EPPK1: variants seen among roughly 807,000 people sequenced by gnomAD.
EPPK1 encodes the protein epiplakin.
For synonymous variants in EPPK1, 1,862 were observed against 1,721.2 expected, an observed-to-expected ratio of 1.08 and a Z score of -2.03; for missense variants, 3,823 against 3,673.3, an observed-to-expected ratio of 1.04 and a Z score of -1.05.
intron 1 of EPPK1, 98 bp from the exon 2 acceptor site, chr8:143,873,396 G>A (rs947709878): frequency 1.0e-5 from 9 of 873,010 alleles, no homozygotes; most frequent in Non-Finnish European, 1.4e-5. Flanking sequence ...TCCCGGGCTG[G>A]GCTCCACCCA....
In EPPK1 at chr8:143,867,682, C is replaced by T; in HGVS notation, c.5572G>A (p.Asp1858Asn). The T allele has an allele frequency of 6.2e-7, 1 of 1,613,528 alleles. No individual in the cohort carries two copies. The highest frequency in any genetic ancestry group is 1.1e-5 in the South Asian group (1 of 91,080). The part of the protein sequence containing the change: ...AAIRGEVTAA[D>N]LFNSRVIDQK... ...TCGATGACCCTGGAGTTGAACAGGT[C>T]TGCAGCTGTCACCTCCCCTCTGATG... Residue 1858 changes from aspartate (D) to asparagine (N), a missense_variant, in exon 2 of 2, where the codon GAC becomes AAC. Asp to Asn is a conservative substitution (Grantham distance 23). Transcript: ENST00000615648.
At position 143,875,687 on chromosome 8, in the gene EPPK1, T is replaced by C. The variant is rs562567080; in HGVS notation, c.-45-2389A>G. Among the ~76,000 whole-genome samples the C allele has an allele frequency of 4.3e-3, 652 of 152,342 alleles. 7 individuals are homozygous for C. The highest frequency in any genetic ancestry group is 0.015 in the African/African-American group (605 of 41,582). ...CGCCACAGGGATGCCTGGGCGCTTGTCTTCGTGGTGCAATGGGCCACGGGC... is the reference window on the plus strand; with the variant it reads ...CGCCACAGGGATGCCTGGGCGCTTGCCTTCGTGGTGCAATGGGCCACGGGC... On this transcript the variant is annotated intron_variant, in intron 1 of 1. Coordinates refer to ENST00000615648, the MANE Select transcript of EPPK1 (RefSeq NM_031308.4).
Position 143,866,970 on chromosome 8 carries a change from A to G in EPPK1, c.6284T>C (p.Ile2095Thr). The G allele has an allele frequency of 6.2e-7, 1 of 1,612,470 alleles. No individual in the cohort carries two copies. Residue 2095 changes from isoleucine (I) to threonine (T), a missense_variant, in exon 2 of 2, where the codon ATC becomes ACC. Ile to Thr is a moderately conservative substitution (Grantham distance 89). Coordinates refer to ENST00000615648, the MANE Select transcript of EPPK1 (RefSeq NM_031308.4). The part of the protein sequence containing the change: ...VNKAARDSEH[I>T]DDETRRALEA... ...CAGGGCCCTTCTCGTCTCGTCATCGATGTGCTCGGAGTCCCGTGCAGCCTT... is the reference window on the plus strand; with the variant it reads ...CAGGGCCCTTCTCGTCTCGTCATCGGTGTGCTCGGAGTCCCGTGCAGCCTT...
rs184122026 is a variant in EPPK1, at chr8:143,869,898, G to A, written c.3356C>T (p.Ala1119Val). The A allele has an allele frequency of 2.8e-5, 45 of 1,608,374 alleles. 1 individual carries two copies. The Admixed American group carries it at 6.2e-4, about 22-fold the overall frequency. Residue 1119 changes from alanine (A) to valine (V), a missense_variant, in exon 2 of 2, where the codon GCT (alanine) becomes GTT (valine). Coordinates refer to ENST00000615648, the MANE Select transcript of EPPK1 (RefSeq NM_031308.4). Reference sequence around the variant, plus strand: ...CTGCTCCTCGGTGGGGAGGGCAGGAGCACTTTCTGGCAGGGGCAGGAGGTG... The same window carrying A: ...CTGCTCCTCGGTGGGGAGGGCAGGAACACTTTCTGGCAGGGGCAGGAGGTG... ...GLHLLPLPES[A>V]PALPTEEQVQ...
At position 143,872,988 on chromosome 8, in the gene EPPK1, CG is replaced by C; in HGVS notation, c.265del (p.Arg89GlyfsTer20). The stretch of plus-strand genomic sequence containing the variant: ...CTTGGACACAGGGAGCAGCTGGCCC[CG>C]GGCGAGGTCCACCAGGCCCCCAGTG... ...AATGGLVDLARGQLLPVSKAL... is the reference protein window; with the variant it reads ...AATGGLVDLAXGQLLPVSKAL... On this transcript the variant is annotated frameshift_variant, in exon 2 of 2. Transcript: ENST00000615648. LOFTEE classifies it low-confidence loss of function (END_TRUNC). 6.3e-7 allele frequency: 1 copy of C among 1,575,594 alleles called. No individual in the cohort carries two copies. Among genetic ancestry groups the C allele is most frequent in the Non-Finnish European group, 8.6e-7 (1 of 1,161,086 alleles).
Position 143,870,854 on chromosome 8 carries a change from G to A in EPPK1, c.2400C>T (p.Ser800=). ...CACTGTCCACCAGCGGGGACTGCGTGCTGCTGAGTGGCAGGAGGTACAGGC... is the reference window on the plus strand; with the variant it reads ...CACTGTCCACCAGCGGGGACTGCGTACTGCTGAGTGGCAGGAGGTACAGGC... ...ETGLYLLPLS[S]TQSPLVDSAT... is the part of the protein sequence containing the mutation. Residue 800 remains serine (S), a synonymous_variant, in exon 2 of 2, where the codon AGC becomes AGT. Coordinates refer to ENST00000615648, the MANE Select transcript of EPPK1 (RefSeq NM_031308.4). This position sits in a 1 kb window ranked among gnomAD's most constrained non-coding sequence, Gnocchi z 5.2. 6.2e-7 allele frequency: 1 copy of A among 1,612,994 alleles called. No homozygotes were observed. Among genetic ancestry groups the A allele is most frequent in the Non-Finnish European group, 8.5e-7 (1 of 1,179,924 alleles).
chr8:143,875,969 T>A (rs1343230012), intron 1 of EPPK1, among the ~76,000 whole-genome samples: 1 of 150,340 alleles, frequency 6.7e-6, no homozygotes, highest in Non-Finnish European at 1.5e-5. Flanking sequence ...CACTGACCTA[T>A]GATGGAGCTT....
chr8:143,872,276 G>A lies in EPPK1; in HGVS notation c.978C>T (p.His326=). The A allele has an allele frequency of 6.2e-7, 1 of 1,606,354 alleles. No individual in the cohort carries two copies. Among genetic ancestry groups the A allele is most frequent in the Non-Finnish European group, 8.5e-7 (1 of 1,176,646 alleles). ...GGCCTGTGATGGGGTCCACCAGGGT[G>A]TGGGTGGCAGCCTGGGCCTCTAGGA... is the stretch of plus-strand genomic sequence containing the variant. ...LPLLEAQAAT[H]TLVDPITGQR... The change falls in exon 2 of 2, where the codon CAC becomes CAT. Residue 326 remains histidine, a synonymous_variant. Coordinates refer to ENST00000615648, the MANE Select transcript of EPPK1 (RefSeq NM_031308.4).
In EPPK1 at chr8:143,872,074, G is replaced by T. The variant is rs781833706; in HGVS notation, c.1180C>A (p.Leu394Ile). 16 of 1,561,936 alleles carry T rather than the reference G, an allele frequency of 1.0e-5. No homozygotes were observed. The Admixed American group carries it at 3.1e-4, about 30-fold the overall frequency. Residue 394 changes from leucine (L) to isoleucine (I), a missense_variant, in exon 2 of 2, where the codon CTC (leucine) becomes ATC (isoleucine). Transcript: ENST00000615648. ...CCTGTGGCCAGCTGGGCATCCAAGA[G>T]CCGCAGTGCCAGTGGCCTGTCCACT... The part of the protein sequence containing the change: ...GLVDRPLALR[L>I]LDAQLATGGL...
Position 143,866,765 on chromosome 8 carries a change from C to G in EPPK1, c.6489G>C (p.Glu2163Asp). 1.9e-6 allele frequency: 3 copies of G among 1,613,520 alleles called. No individual in the cohort carries two copies. Among genetic ancestry groups the G allele is most frequent in the African/African-American group, 1.3e-5 (1 of 75,058 alleles). ...GGTGTTTGTTGCTGGTTTCCTGCTT[C>G]TCGATCAACTCTAAGATGAGCTGCG... ...TVAQLILELI[E>D]KQETSNKHLW... The change falls in exon 2 of 2, where the codon GAG becomes GAC. Residue 2163 changes from glutamate to aspartate, a missense_variant. Glu to Asp is a conservative substitution (Grantham distance 45). Coordinates refer to ENST00000615648, the MANE Select transcript of EPPK1 (RefSeq NM_031308.4).
Position 143,868,542 on chromosome 8 carries a change from T to C in EPPK1, c.4712A>G (p.Asn1571Ser), listed in dbSNP as rs781803355. 4.1e-5 allele frequency: 66 copies of C among 1,605,732 alleles called. No homozygotes were observed. Among genetic ancestry groups the C allele is most frequent in the Non-Finnish European group, 5.5e-5 (65 of 1,176,820 alleles). Residue 1571 changes from asparagine (N) to serine (S), a missense_variant, in exon 2 of 2, where the codon AAC becomes AGC. Physicochemically the swap from Asn to Ser is conservative, Grantham distance 46. Transcript: ENST00000615648. ...DSVKRSLEGG[N>S]FIAGVLIQGT... The stretch of plus-strand genomic sequence containing the variant: ...CTGGATAAGGACCCCGGCAATGAAG[T>C]TGCCTCCCTCCAGGGACCGCTTCAC...
Position 143,867,199 on chromosome 8 carries a change from G to C in EPPK1, c.6055C>G (p.Pro2019Ala), listed in dbSNP as rs782461729. 1 of 1,612,730 alleles carries C rather than the reference G, an allele frequency of 6.2e-7. No individual in the cohort carries two copies. The highest frequency in any genetic ancestry group is 8.5e-7 in the Non-Finnish European group (1 of 1,179,806). ...AGTGGGAGCCGGTGGTGGTGCTGTG[G>C]GTCGATGACACCCCCCGTGGCCACC... is the stretch of plus-strand genomic sequence containing the variant. ...VQVATGGVID[P>A]QHHHRLPLET... Residue 2019 changes from proline (P) to alanine (A), a missense_variant, in exon 2 of 2, where the codon CCA (proline) becomes GCA (alanine). Transcript: ENST00000615648.
chr8:143,870,184 G>A lies in EPPK1; in HGVS notation c.3070C>T (p.Gln1024Ter), dbSNP rs1554660660. 5 of 1,611,568 alleles carry A rather than the reference G, an allele frequency of 3.1e-6. No individual in the cohort carries two copies. In the South Asian group the frequency reaches 4.4e-5, roughly 14 times the overall value. The part of the protein sequence containing the change: ...PFSGKQVSVF[Q>*]AMKKGLIPWE... Reference sequence around the variant, plus strand: ...GGGATGAGACCTTTCTTCATGGCCTGGAACACAGACACCTGCTTCCCAGAG... The same window carrying A: ...GGGATGAGACCTTTCTTCATGGCCTAGAACACAGACACCTGCTTCCCAGAG... The change falls in exon 2 of 2, where the codon CAG becomes TAG. Residue 1024 changes from glutamine to a stop codon, truncating the protein, a stop_gained. Transcript: ENST00000615648. LOFTEE classifies it low-confidence loss of function (END_TRUNC). The surrounding 1 kb of genome is among the most constrained non-coding windows in gnomAD (Gnocchi z 5.2).
rs1819176916 is a variant in EPPK1, at chr8:143,867,647, G to C, written c.5607C>G (p.Thr1869=). Residue 1869 remains threonine, a synonymous_variant, in exon 2 of 2, where the codon ACC becomes ACG. Coordinates refer to ENST00000615648, the MANE Select transcript of EPPK1 (RefSeq NM_031308.4). The stretch of plus-strand genomic sequence containing the variant: ...TCCTCCCCACACGAAGTGTGTGCAG[G>C]GTCTTCTGATCGATGACCCTGGAGT... ...LFNSRVIDQK[T]LHTLRVGRTG... 1 of 1,613,342 alleles carries C rather than the reference G, an allele frequency of 6.2e-7. No homozygotes were observed. Among genetic ancestry groups the C allele is most frequent in the Non-Finnish European group, 8.5e-7 (1 of 1,179,846 alleles).
In EPPK1 at chr8:143,867,581, G is replaced by T; in HGVS notation, c.5673C>A (p.Pro1891=). 1.2e-6 allele frequency: 2 copies of T among 1,613,012 alleles called. No individual in the cohort carries two copies. The highest frequency in any genetic ancestry group is 8.5e-7 in the Non-Finnish European group (1 of 1,179,834). The change falls in exon 2 of 2, where the codon CCC becomes CCA. Residue 1891 remains proline, a synonymous_variant. Coordinates refer to ENST00000615648, the MANE Select transcript of EPPK1 (RefSeq NM_031308.4). ...QALSTLECVK[P]YLEGSGCIAG... ...CAATGCAGCCGCTGCCTTCCAGATA[G>T]GGCTTCACACACTCCAGCGTGCTGA...
Position 143,867,640 on chromosome 8 carries a change from T to C in EPPK1, c.5614A>G (p.Thr1872Ala). The C allele has an allele frequency of 6.2e-7, 1 of 1,613,380 alleles. No homozygotes were observed. Among genetic ancestry groups the C allele is most frequent in the Non-Finnish European group, 8.5e-7 (1 of 1,179,850 alleles). Residue 1872 changes from threonine to alanine, a missense_variant, in exon 2 of 2, where the codon ACA (threonine) becomes GCA (alanine). Transcript: ENST00000615648. Reference protein sequence around the residue: ...SRVIDQKTLHTLRVGRTGGQA... With the variant: ...SRVIDQKTLHALRVGRTGGQA... ...CCCCCAGTCCTCCCCACACGAAGTG[T>C]GTGCAGGGTCTTCTGATCGATGACC... is the stretch of plus-strand genomic sequence containing the variant.
At position 143,867,205 on chromosome 8, in the gene EPPK1, T is replaced by C. The variant is rs1819155204; in HGVS notation, c.6049A>G (p.Ile2017Val). The C allele has an allele frequency of 1.2e-6, 2 of 1,612,740 alleles. No individual in the cohort carries two copies. Among genetic ancestry groups the C allele is most frequent in the East Asian group, 4.5e-5 (2 of 44,880 alleles). The change falls in exon 2 of 2, where the codon ATC becomes GTC. Residue 2017 changes from isoleucine (I) to valine (V), a missense_variant. Coordinates refer to ENST00000615648, the MANE Select transcript of EPPK1 (RefSeq NM_031308.4). ...LEVQVATGGV[I>V]DPQHHHRLPL... ...AGCCGGTGGTGGTGCTGTGGGTCGA[T>C]GACACCCCCCGTGGCCACCTGCACC...
upstream of EPPK1, among the ~76,000 whole-genome samples, chr8:143,879,150 T>TGGG (rs1407882562): frequency 6.6e-6 from 1 of 152,286 alleles, no homozygotes; most frequent in Non-Finnish European, 1.5e-5. Flanking sequence ...GGGGCTGGCC[T>TGGG]GGGGGCAGCC....
rs1554661039 is a variant in EPPK1 at position 143,871,157 on chromosome 8, C to G, written c.2097G>C (p.Gln699His). 1 of 1,613,242 alleles carries G rather than the reference C, an allele frequency of 6.2e-7. No individual in the cohort carries two copies. ...TGYTDPYTGQ[Q>H]ISLFQAMQKG... ...TCTGCATGGCCTGGAAGAGGGAGAT[C>G]TGCTGCCCGGTGTAGGGGTCAGTGT... Residue 699 changes from glutamine (Q) to histidine (H), a missense_variant, in exon 2 of 2, where the codon CAG becomes CAC. Transcript: ENST00000615648.
Sources: allele counts gnomAD v4.1 joint callset (sites outside exome capture counted in the v4.1 genomes callset), GRCh38; gene constraint gnomAD v4.1.1; non-coding constraint Gnocchi (gnomAD v3.1); transcripts MANE v1.5; gene names NCBI Gene and HGNC (gene_info 2026-07-23, HGNC 2026-07-21).